RBFOX1: variants seen among roughly 807,000 people sequenced by gnomAD.
The protein encoded by RBFOX1 is RNA binding protein fox-1 homolog 1.
Under a neutral mutation model 57.7 loss-of-function variants are expected in RBFOX1, and 8 were observed. That is an observed-to-expected ratio of 0.14 (90% CI 0.08 to 0.25). The LOEUF (loss-of-function observed/expected upper bound fraction) is 0.25. Among genes scored for constraint, RBFOX1 ranks in the 10% least tolerant of loss-of-function variants. The pLI, the probability that RBFOX1 is intolerant of heterozygous loss-of-function variation, is 1.00. For synonymous variants in RBFOX1, 326 were observed against 222.4 expected (o/e 1.47, Z -4.15); for missense variants, 611 against 548.5 (o/e 1.11, Z -1.14).
intron 2 of RBFOX1, among the ~76,000 whole-genome samples, chr16:5,580,315 G>A (rs2046620775): frequency 6.6e-6 from 1 of 152,226 alleles, no homozygotes; most frequent in African/African-American, 2.4e-5. Context: ...GGGAGCAGCT[G>A]CAGGGACTGA....
chr16:7,695,171 G>A (rs1418437210), intron 14 of RBFOX1, among the ~76,000 whole-genome samples: 1 of 152,070 alleles, frequency 6.6e-6, no homozygotes, highest in Non-Finnish European at 1.5e-5. Flanking sequence ...GTCCTTTGAT[G>A]GCCATTTTAA....
intron 4 of RBFOX1, among the ~76,000 whole-genome samples, chr16:7,495,021 C>A (rs1193925131): frequency 6.6e-6 from 1 of 152,108 alleles, no homozygotes; most frequent in African/African-American, 2.4e-5. Context: ...TTATTTATGA[C>A]CGTGTGTGCT....
chr16:5,266,253 C>T (rs2062854540), intron 1 of RBFOX1, among the ~76,000 whole-genome samples: 1 of 152,144 alleles, frequency 6.6e-6, no homozygotes, highest in South Asian at 2.1e-4. Context: ...GTTCCCTGTG[C>T]ATTTTAGAAT....
At chr16:6,867,366 T>C (rs1224477526) in intron 3 of RBFOX1, among the ~76,000 whole-genome samples, 2 of 152,132 alleles carry the variant, frequency 1.3e-5, no homozygotes, top group East Asian at 3.9e-4. Context: ...GTAGTGATTC[T>C]TTTTAATGAC....
intron 1 of RBFOX1, among the ~76,000 whole-genome samples, chr16:6,150,715 A>T (rs1457078864): frequency 6.6e-6 from 1 of 152,066 alleles, no homozygotes; most frequent in East Asian, 1.9e-4. Flanking sequence ...TGGAATCTAA[A>T]CCGCATGAGA....
At chr16:5,871,679 G>T (rs760988859) in intron 4 of RBFOX1, among the ~76,000 whole-genome samples, 1 of 152,096 alleles carries the variant, frequency 6.6e-6, no homozygotes, top group Non-Finnish European at 1.5e-5. Flanking sequence ...GCCCCACGTT[G>T]TCTATGCTGA....
chr16:5,662,009 A>G (rs1255371868), intron 3 of RBFOX1, among the ~76,000 whole-genome samples: 4 of 152,024 alleles, frequency 2.6e-5, no homozygotes, highest in African/African-American at 7.2e-5. Context: ...GGTGGTCTCC[A>G]TCTCCTGACG....
chr16:7,394,286 G>C (rs1178717603), intron 4 of RBFOX1, among the ~76,000 whole-genome samples: 3 of 128,762 alleles, frequency 2.3e-5, no homozygotes, highest in African/African-American at 5.9e-5. Context: ...ATAAAAAATA[G>C]TCATAGAATG....
At chr16:6,644,587 CAGG>C (rs1490779553) in intron 2 of RBFOX1, among the ~76,000 whole-genome samples, 2 of 152,124 alleles carry the variant, frequency 1.3e-5, no homozygotes, top group African/African-American at 2.4e-5. Flanking sequence ...TATTTGAGTC[CAGG>C]AGAACAATGC....
chr16:6,670,852 T>TAGC (rs762787099), intron 3 of RBFOX1, among the ~76,000 whole-genome samples: 10,205 of 151,672 alleles, frequency 0.067, 384 homozygotes, highest in African/African-American at 0.077. Context: ...AAAAAAAAAT[T>TAGC]AGCCGGGCAT....
chr16:5,997,593 C>T (rs1323478400), intron 4 of RBFOX1, among the ~76,000 whole-genome samples: 2 of 152,186 alleles, frequency 1.3e-5, no homozygotes, highest in Non-Finnish European at 2.9e-5. Context: ...AGCGATTAGG[C>T]ACTCACATTG....
intron 2 of RBFOX1, among the ~76,000 whole-genome samples, chr16:6,491,388 T>A (rs8046695): frequency 6.6e-6 from 1 of 151,762 alleles, no homozygotes; most frequent in Non-Finnish European, 1.5e-5. Flanking sequence ...TTAAAAAGAG[T>A]GTACCCAACA....
At chr16:7,379,321 T>G (rs938917237) in intron 4 of RBFOX1, among the ~76,000 whole-genome samples, 1 of 152,294 alleles carries the variant, frequency 6.6e-6, no homozygotes, top group Non-Finnish European at 1.5e-5. Context: ...TTAGACTGTT[T>G]TAAAATAATA....
chr16:6,852,958 C>T (rs1442444020), intron 3 of RBFOX1, among the ~76,000 whole-genome samples: 1 of 152,186 alleles, frequency 6.6e-6, no homozygotes. Context: ...GTGTTGATGA[C>T]ATCAAGAGAC....
At chr16:6,121,203 G>A (rs2096546492) in intron 1 of RBFOX1, among the ~76,000 whole-genome samples, 1 of 152,170 alleles carries the variant, frequency 6.6e-6, no homozygotes, top group Non-Finnish European at 1.5e-5. Context: ...GGGAACTTCA[G>A]TGTGTACAAG....
intron 3 of RBFOX1, among the ~76,000 whole-genome samples, chr16:6,958,566 TAAAC>T (rs1457350856): frequency 2.0e-5 from 3 of 152,180 alleles, no homozygotes; most frequent in Non-Finnish European, 4.4e-5. Flanking sequence ...GCCAAGGAAT[TAAAC>T]AACCAAACGG....
chr16:7,147,315 T>G (rs1036284793), intron 4 of RBFOX1, among the ~76,000 whole-genome samples: 3 of 150,802 alleles, frequency 2.0e-5, no homozygotes, highest in African/African-American at 7.3e-5. Context: ...CTATTTTTAA[T>G]TTTTTTTTCA....
rs558533173 is a variant in RBFOX1 at position 7,381,716 on chromosome 16, C to T, written c.28-136431C>T. On this transcript the variant is annotated intron_variant, in intron 4 of 15. Coordinates refer to ENST00000550418, the MANE Select transcript of RBFOX1 (RefSeq NM_018723.4). Reference sequence around the variant, plus strand: ...GGATTTGGGATTTGCAAGTCAGGAACAGTGGGCACACTTTCCCTTAATGGT... The same window carrying T: ...GGATTTGGGATTTGCAAGTCAGGAATAGTGGGCACACTTTCCCTTAATGGT... 4.6e-5 allele frequency among the ~76,000 whole-genome samples: 7 copies of T among 152,290 alleles called. No individual in the cohort carries two copies. In the South Asian group the frequency reaches 1.2e-3, roughly 27 times the overall value.
intron 2 of RBFOX1, among the ~76,000 whole-genome samples, chr16:6,429,402 C>G (rs189991576): frequency 6.6e-6 from 1 of 152,326 alleles, no homozygotes; most frequent in Admixed American, 6.5e-5. Context: ...AAAGCCATTT[C>G]TCATATTTAC....
Sources: allele counts gnomAD v4.1 joint callset (sites outside exome capture counted in the v4.1 genomes callset), GRCh38; gene constraint gnomAD v4.1.1; transcripts MANE v1.5; gene names NCBI Gene and HGNC (gene_info 2026-07-23, HGNC 2026-07-21).